LAMP1: variants seen among roughly 807,000 people sequenced by gnomAD.
LAMP1 encodes the protein lysosome-associated membrane glycoprotein 1.
In LAMP1, 7 loss-of-function variants were observed where a neutral mutation model predicts 37.5. The ratio of observed to expected loss-of-function variants is 0.19; its 90% CI spans 0.11 to 0.35. The LOEUF is 0.35. LAMP1 is among the 10% of genes least tolerant of loss of function. LAMP1 has a pLI of 1.00. For synonymous variants in LAMP1, 236 were observed against 229.1 expected, an observed-to-expected ratio of 1.03 and a Z score of -0.27; for missense variants, 537 against 552.8, an observed-to-expected ratio of 0.97 and a Z score of 0.29.
rs957449601 is a variant in LAMP1 at position 113,320,845 on chromosome 13, C to G, written c.876+375C>G. 4 of 238,590 alleles carry G rather than the reference C, an allele frequency of 1.7e-5. No homozygotes were observed. The South Asian group carries it at 3.2e-4, about 19-fold the overall frequency. 14.8% of individuals were successfully genotyped at this position (238,590 alleles called of 1,614,324 possible). On this transcript the variant is annotated intron_variant, in intron 6 of 8. Transcript: ENST00000332556. This position sits in a 1 kb window ranked among gnomAD's most constrained non-coding sequence, Gnocchi z 4.4. ...AAGCATATAATTGTCACTTGTCAGT[C>G]TTTTTAAATCGCTGTGCAAATGAAT... is the stretch of plus-strand genomic sequence containing the variant.
intron 4 of LAMP1, among the ~76,000 whole-genome samples, chr13:113,315,086 A>G (rs1480678546): frequency 4.7e-3 from 312 of 66,082 alleles, no homozygotes; most frequent in Middle Eastern, 0.014. Flanking sequence ...GTGGCCTCCT[A>G]GAGGGAACCA....
chr13:113,318,616 T>C (rs1179963086), intron 4 of LAMP1, among the ~76,000 whole-genome samples: 1 of 152,172 alleles, frequency 6.6e-6, no homozygotes, highest in African/African-American at 2.4e-5. Flanking sequence ...TGTGAACATC[T>C]TGGTGGGTGA....
chr13:113,307,950 C>A (rs1324897220), intron 2 of LAMP1, among the ~76,000 whole-genome samples: 2 of 130,148 alleles, frequency 1.5e-5, no homozygotes, highest in African/African-American at 6.3e-5. Context: ...CAGAGCGAGA[C>A]CATCTCCAAA....
At chr13:113,314,967 A>C (rs189921711) in intron 4 of LAMP1, among the ~76,000 whole-genome samples, 27 of 71,134 alleles carry the variant, frequency 3.8e-4, no homozygotes, top group East Asian at 1.3e-3. Context: ...TGGAGATGCC[A>C]GTGTGCCTGG....
chr13:113,313,135 G>C (rs549389430), intron 4 of LAMP1, among the ~76,000 whole-genome samples: 2 of 152,276 alleles, frequency 1.3e-5, no homozygotes, highest in East Asian at 3.9e-4. Context: ...TGACCGAGGG[G>C]TGCGCATGGC....
At chr13:113,319,973 A>G (rs1205623860) in intron 5 of LAMP1, among the ~76,000 whole-genome samples, 7 of 152,212 alleles carry the variant, frequency 4.6e-5, no homozygotes, top group African/African-American at 1.7e-4. Context: ...TATCATGGAA[A>G]CATTTAAGTG....
chr13:113,301,345 G>T (rs1340220686), intron 1 of LAMP1, among the ~76,000 whole-genome samples: 1 of 151,936 alleles, frequency 6.6e-6, no homozygotes, highest in South Asian at 2.1e-4. Flanking sequence ...ATACGGCCGG[G>T]CACGGTGGCT....
At chr13:113,301,533 G>A (rs2042570995) in intron 1 of LAMP1, among the ~76,000 whole-genome samples, 1 of 151,006 alleles carries the variant, frequency 6.6e-6, no homozygotes, top group African/African-American at 2.4e-5. Context: ...TGAGGTAGGA[G>A]AATTGCTTGA....
chr13:113,312,408 C>T (rs1457217010), intron 4 of LAMP1, among the ~76,000 whole-genome samples: 1 of 152,242 alleles, frequency 6.6e-6, no homozygotes, highest in African/African-American at 2.4e-5. Flanking sequence ...TTAACAGTGG[C>T]AGGGCTGTGT....
chr13:113,314,102 CCG>C (rs2042646755), intron 4 of LAMP1, among the ~76,000 whole-genome samples: 1 of 114,174 alleles, frequency 8.8e-6, no homozygotes, highest in African/African-American at 4.2e-5. Flanking sequence ...GTGGAGATGC[CCG>C]TGTGCCTGGG....
At chr13:113,311,061 CAT>C (rs2042628662) in intron 4 of LAMP1, among the ~76,000 whole-genome samples, 194 bp downstream of exon 4, 1 of 151,984 alleles carries the variant, frequency 6.6e-6, no homozygotes, top group African/African-American at 2.4e-5. Flanking sequence ...AGGGTAGACA[CAT>C]GTTGATTAAA....
intron 5 of LAMP1, among the ~76,000 whole-genome samples, chr13:113,319,859 G>A (rs1490381144): frequency 6.6e-6 from 1 of 152,216 alleles, no homozygotes; most frequent in Non-Finnish European, 1.5e-5. Context: ...CGTCCTGCTG[G>A]TTCCATCATC....
intron 4 of LAMP1, among the ~76,000 whole-genome samples, chr13:113,317,393 C>A (rs901290368): frequency 6.6e-6 from 1 of 152,162 alleles, no homozygotes; most frequent in African/African-American, 2.4e-5. Flanking sequence ...GGTAGAAGGA[C>A]GAGGGCATTT....
intron 1 of LAMP1, 112 bp from the exon 2 acceptor site, chr13:113,306,373 C>G: frequency 9.1e-7 from 1 of 1,100,328 alleles, no homozygotes; most frequent in African/African-American, 1.6e-5. Flanking sequence ...AAAAGAGAAA[C>G]AGTGGAATCT....
intron 1 of LAMP1, among the ~76,000 whole-genome samples, chr13:113,298,654 A>C (rs575678189): frequency 6.6e-6 from 1 of 152,290 alleles, no homozygotes; most frequent in South Asian, 2.1e-4. Context: ...AATTCTTTGA[A>C]CTGCCTGAAT....
At chr13:113,322,221 G>A in intron 8 of LAMP1, 61 bp from the exon 9 acceptor site, 3 of 1,543,986 alleles carry the variant, frequency 1.9e-6, no homozygotes, top group Admixed American at 1.9e-5. Context: ...GGTGGGGAGA[G>A]AGGCCTGTTT....
intron 4 of LAMP1, among the ~76,000 whole-genome samples, chr13:113,314,902 G>A (rs1438551125): frequency 1.3e-4 from 14 of 104,604 alleles, no homozygotes; most frequent in Non-Finnish European, 1.7e-4. Context: ...CCTAGAGGGA[G>A]TCAGTGTGGA....
At chr13:113,319,094 C>A (rs191925619) in intron 4 of LAMP1, among the ~76,000 whole-genome samples, 110 of 152,366 alleles carry the variant, frequency 7.2e-4, no homozygotes, top group Non-Finnish European at 1.2e-3. Flanking sequence ...TGCGTCCACT[C>A]CTTCGTGACA....
intron 4 of LAMP1, among the ~76,000 whole-genome samples, chr13:113,316,829 C>T (rs1252749595): frequency 3.3e-5 from 5 of 150,824 alleles, no homozygotes; most frequent in Non-Finnish European, 5.9e-5. Context: ...GAGATGGCGC[C>T]GCTGCACTCT....
Sources: gnomAD v4.1 joint callset for allele counts (sites outside exome capture counted in the v4.1 genomes callset) on GRCh38, gnomAD v4.1.1 for gene constraint, Gnocchi (gnomAD v3.1) non-coding constraint, MANE v1.5 for transcripts, NCBI Gene and HGNC (gene_info 2026-07-23, HGNC 2026-07-21) for gene names.